ARB2A: variants seen among roughly 807,000 people sequenced by gnomAD.
The protein encoded by ARB2A is cotranscriptional regulator ARB2A.
the ARB2A span, among the ~76,000 whole-genome samples, chr5:93,857,303 C>T: frequency 2.0e-5 from 3 of 152,176 alleles, no homozygotes; most frequent in African/African-American, 7.2e-5. Context: ...AGAACCACTG[C>T]TCTCTTCAAA....
the ARB2A span, among the ~76,000 whole-genome samples, chr5:93,707,281 C>T: frequency 1.3e-5 from 2 of 152,082 alleles, no homozygotes; most frequent in Non-Finnish European, 2.9e-5. Flanking sequence ...TTCACGATGT[C>T]CAAAAGCAGC....
At chr5:93,663,892 T>C in the ARB2A span, among the ~76,000 whole-genome samples, 92 of 152,190 alleles carry the variant, frequency 6.0e-4, no homozygotes, top group Non-Finnish European at 1.2e-3. Flanking sequence ...ATTTCTTCAA[T>C]AGTGATTATC....
At chr5:93,701,905 T>C in the ARB2A span, among the ~76,000 whole-genome samples, 1 of 152,204 alleles carries the variant, frequency 6.6e-6, no homozygotes, top group African/African-American at 2.4e-5. Context: ...TTTGTAAATA[T>C]GTAGTCCATC....
At chr5:93,648,937 T>G in the ARB2A span, among the ~76,000 whole-genome samples, 4 of 152,176 alleles carry the variant, frequency 2.6e-5, no homozygotes, top group Admixed American at 2.0e-4. Flanking sequence ...AAGCATATCT[T>G]ATTATAAAGA....
chr5:93,721,453 A>T, the ARB2A span, among the ~76,000 whole-genome samples: 4 of 152,168 alleles, frequency 2.6e-5, no homozygotes, highest in African/African-American at 4.8e-5. Context: ...CTCTTTTTTT[A>T]AAAAAGTTTT....
the ARB2A span, among the ~76,000 whole-genome samples, chr5:93,986,721 C>G: frequency 1.3e-5 from 2 of 152,184 alleles, no homozygotes; most frequent in African/African-American, 4.8e-5. Flanking sequence ...TTACCCCCAA[C>G]CCGGTGCTCT....
chr5:93,624,796 CAT>C, the ARB2A span, among the ~76,000 whole-genome samples: 1 of 152,292 alleles, frequency 6.6e-6, no homozygotes, highest in East Asian at 1.9e-4. Flanking sequence ...CTGCATCCCA[CAT>C]GATTTTCAAA....
chr5:93,879,748 A>C, the ARB2A span, among the ~76,000 whole-genome samples: 3 of 151,978 alleles, frequency 2.0e-5, no homozygotes, highest in Admixed American at 6.6e-5. Flanking sequence ...GATGTCTGAT[A>C]TCTGAGATAG....
At chr5:93,963,759 G>C in the ARB2A span, among the ~76,000 whole-genome samples, 1 of 151,986 alleles carries the variant, frequency 6.6e-6, no homozygotes, top group Admixed American at 6.6e-5. Context: ...GGACGGCAAA[G>C]ATCCTCCAAT....
At chr5:93,728,700 G>A in the ARB2A span, among the ~76,000 whole-genome samples, 3 of 151,776 alleles carry the variant, frequency 2.0e-5, no homozygotes, top group African/African-American at 7.3e-5. Flanking sequence ...TTAGTTCCTG[G>A]AAGAAAGGCC....
At chr5:93,800,289 T>C in the ARB2A span, among the ~76,000 whole-genome samples, 167 of 152,094 alleles carry the variant, frequency 1.1e-3, 1 homozygote, top group African/African-American at 3.6e-3. Flanking sequence ...ATGAAAACTT[T>C]AAAATCTGCA....
the ARB2A span, among the ~76,000 whole-genome samples, chr5:93,625,633 G>A: frequency 1.3e-5 from 2 of 152,092 alleles, no homozygotes; most frequent in African/African-American, 2.4e-5. Flanking sequence ...AATTTTAAAG[G>A]AGTGAAAATA....
chr5:93,698,138 T>C, the ARB2A span, among the ~76,000 whole-genome samples: 5 of 152,196 alleles, frequency 3.3e-5, no homozygotes, highest in African/African-American at 4.8e-5. Flanking sequence ...CTGTATATAA[T>C]TGATCTCAAG....
At chr5:93,898,447 A>G in the ARB2A span, among the ~76,000 whole-genome samples, 6 of 151,528 alleles carry the variant, frequency 4.0e-5, no homozygotes, top group African/African-American at 1.2e-4. Flanking sequence ...ATGTACTCTT[A>G]CCCCTATTCT....
the ARB2A span, among the ~76,000 whole-genome samples, chr5:93,767,333 T>G: frequency 5.3e-5 from 8 of 152,148 alleles, no homozygotes; most frequent in Non-Finnish European, 4.4e-5. Flanking sequence ...CACAATGTGG[T>G]ATCACCTTAC....
At chr5:93,946,046 T>C in the ARB2A span, among the ~76,000 whole-genome samples, 7 of 152,140 alleles carry the variant, frequency 4.6e-5, no homozygotes, top group African/African-American at 1.7e-4. Flanking sequence ...TTTTGAATCT[T>C]TAAAATAAAG....
the ARB2A span, among the ~76,000 whole-genome samples, chr5:93,663,468 T>C: frequency 2.0e-5 from 3 of 152,044 alleles, no homozygotes; most frequent in Non-Finnish European, 4.4e-5. Flanking sequence ...GTAGGGAAAT[T>C]GGGAGGAAAT....
chr5:94,050,332 G>A, the ARB2A span, among the ~76,000 whole-genome samples: 5 of 145,904 alleles, frequency 3.4e-5, no homozygotes, highest in African/African-American at 1.3e-4. Context: ...TCAGCTCACT[G>A]CAACCTCCGC....
At chr5:93,849,406 T>C in the ARB2A span, among the ~76,000 whole-genome samples, 3 of 152,132 alleles carry the variant, frequency 2.0e-5, no homozygotes, top group Admixed American at 6.6e-5. Context: ...GTTAAGCACC[T>C]AGAAATAGTA....
Sources: gnomAD v4.1 joint callset for allele counts (sites outside exome capture counted in the v4.1 genomes callset) on GRCh38, gnomAD v4.1.1 for gene constraint, MANE v1.5 for transcripts, NCBI Gene and HGNC (gene_info 2026-07-23, HGNC 2026-07-21) for gene names.